SLC44A2: variants seen among roughly 807,000 people sequenced by gnomAD.
SLC44A2 encodes choline transporter-like protein 2.
In SLC44A2, 57 loss-of-function variants were observed where a neutral mutation model predicts 90.8. That is an observed-to-expected ratio of 0.63 (90% CI 0.51 to 0.78). SLC44A2 has a LOEUF of 0.78. SLC44A2 is among the 30% of genes least tolerant of loss of function. SLC44A2 has a pLI of 0.00. For missense variants in SLC44A2, 794 were observed against 919.7 expected (o/e 0.86, Z 1.77); for synonymous variants, 355 against 360.7 (o/e 0.98, Z 0.18).
rs893962170 is a variant in SLC44A2, at chr19:10,641,861, G to GA, written c.1930-494dup. Among the ~76,000 whole-genome samples the GA allele has an allele frequency of 9.3e-4, 112 of 120,178 alleles. 1 individual carries two copies. In the East Asian group the frequency reaches 9.5e-3, roughly 10 times the overall value. 78.8% of individuals were successfully genotyped at this position (120,178 alleles called of 152,430 possible). A position where few individuals can be genotyped will look rare whatever the true frequency, so the allele number is the denominator to read the frequency against. ...ACCGTGAGACCCTGTCTCAAAAAAA[G>GA]AAAAAAAAAAAAGGCCGGGTGTGCG... On this transcript the variant is annotated intron_variant, in intron 20 of 21. Coordinates refer to ENST00000335757, the MANE Select transcript of SLC44A2 (RefSeq NM_020428.4).
intron 1 of SLC44A2, among the ~76,000 whole-genome samples, chr19:10,604,241 C>A (rs1257326529): frequency 1.3e-5 from 2 of 152,158 alleles, no homozygotes; most frequent in South Asian, 2.1e-4. Context: ...GCAGAAACAG[C>A]AGCGATTATT....
intron 20 of SLC44A2, chr19:10,641,350 G>A (rs2067113702): frequency 2.4e-6 from 1 of 417,526 alleles, no homozygotes; most frequent in Non-Finnish European, 4.7e-6. Context: ...GCTGAGATGG[G>A]GCCACTGCAC....
At chr19:10,619,582 C>G (rs1428004826) in intron 1 of SLC44A2, among the ~76,000 whole-genome samples, 1 of 151,950 alleles carries the variant, frequency 6.6e-6, no homozygotes, top group Admixed American at 6.6e-5. Flanking sequence ...CTCCTGGAGT[C>G]AAGCAATTCT....
intron 17 of SLC44A2, 30 bp downstream of exon 17, chr19:10,637,777 C>T (rs762001721): frequency 6.8e-6 from 11 of 1,612,932 alleles, no homozygotes; most frequent in Non-Finnish European, 2.5e-6. Flanking sequence ...CCAACCAACC[C>T]GCCAGCTCCT....
chr19:10,628,123 G>A (rs1393866841), intron 4 of SLC44A2, 119 bp downstream of exon 4: 8 of 917,104 alleles, frequency 8.7e-6, no homozygotes, highest in South Asian at 7.7e-5. Flanking sequence ...GGTGACTCAC[G>A]CCCGAAATTC....
At chr19:10,627,670 A>G (rs1568448288) in intron 2 of SLC44A2, 52 bp from the exon 3 acceptor site, 5 of 1,572,548 alleles carry the variant, frequency 3.2e-6, no homozygotes, top group African/African-American at 2.7e-5. Flanking sequence ...AGATGGGCCC[A>G]TGGTGCACAC....
At position 10,618,474 on chromosome 19, in the gene SLC44A2, C is replaced by CTTTTTTTT. The variant is rs3029799; in HGVS notation, c.32-7763_32-7756dup. On this transcript the variant is annotated intron_variant, in intron 1 of 21. Transcript: ENST00000407327. ...ACAGGTGTAAGCCACTGCGCCCGGC[C>CTTTTTTTT]TTTTTTTTTTTTTTTTTTTTTTTGA... Among the ~76,000 whole-genome samples the CTTTTTTTT allele has an allele frequency of 7.4e-4, 65 of 87,332 alleles. 1 individual carries two copies. Among genetic ancestry groups the CTTTTTTTT allele is most frequent in the African/African-American group, 2.8e-3 (57 of 20,336 alleles). The allele number at this position is 87,332 out of a possible 152,430, so 57.3% of individuals were successfully genotyped here.
At position 10,634,999 on chromosome 19, in the gene SLC44A2, C is replaced by T; in HGVS notation, c.981C>T (p.Val327=). 3 of 1,614,118 alleles carry T rather than the reference C, an allele frequency of 1.9e-6. No individual in the cohort carries two copies. Among genetic ancestry groups the T allele is most frequent in the Non-Finnish European group, 2.5e-6 (3 of 1,180,034 alleles). The change falls in exon 12 of 22, where the codon GTC becomes GTT. Residue 327 remains valine, a synonymous_variant. Transcript: ENST00000335757. ...TGATCATTCTGAGTATCCTTGAAGT[C>T]ATTATCATCTTGCTGCTCATCTTTC... ...AFMIILSILE[V]IIILLLIFLR...
intron 1 of SLC44A2, among the ~76,000 whole-genome samples, chr19:10,609,757 G>A (rs1255197832): frequency 6.6e-6 from 1 of 152,020 alleles, no homozygotes; most frequent in African/African-American, 2.4e-5. Flanking sequence ...AAGCCACCAT[G>A]CCCAGCCCAT....
Position 10,634,802 on chromosome 19 carries a change from C to T in SLC44A2, c.870C>T (p.Ala290=), listed in dbSNP as rs183294713. Reference sequence around the variant, plus strand: ...AGTACTCCCGACTGCGTGGTGAGGCCGGCTCTGATGTCTCTTTGGTGGACC... The same window carrying T: ...AGTACTCCCGACTGCGTGGTGAGGCTGGCTCTGATGTCTCTTTGGTGGACC... The part of the protein sequence containing the change: ...YMEYSRLRGE[A]GSDVSLVDLG... The change falls in exon 11 of 22, where the codon GCC becomes GCT. Residue 290 remains alanine, a synonymous_variant. Coordinates refer to ENST00000335757, the MANE Select transcript of SLC44A2 (RefSeq NM_020428.4). 37 of 1,614,120 alleles carry T rather than the reference C, an allele frequency of 2.3e-5. No homozygotes were observed. The highest frequency in any genetic ancestry group is 4.5e-5 in the East Asian group (2 of 44,886).
chr19:10,632,002 G>A (rs368385049), intron 9 of SLC44A2, 42 bp from the exon 10 acceptor site: 2 of 1,612,964 alleles, frequency 1.2e-6, no homozygotes, highest in African/African-American at 1.3e-5. Flanking sequence ...TCTAAGCCTG[G>A]CTGAGGGTGG....
rs760133196 is a variant in SLC44A2, at chr19:10,634,952, G to C, written c.956-22G>C. The C allele has an allele frequency of 6.2e-6, 10 of 1,614,004 alleles. 1 individual carries two copies. In the South Asian group the frequency reaches 1.1e-4, roughly 18 times the overall value. On this transcript the variant is annotated intron_variant, in intron 11 of 21. Transcript: ENST00000335757. ...TTGGAGGGAGTGGGGAGCCCAGCCG[G>C]CTCAGCCTTTGCCCTTTGCAGTGAT...
intron 1 of SLC44A2, among the ~76,000 whole-genome samples, chr19:10,619,680 G>A (rs1037135402): frequency 2.6e-5 from 4 of 151,566 alleles, no homozygotes; most frequent in African/African-American, 4.8e-5. Flanking sequence ...TCCGCCGGAC[G>A]CAGTGGCTCA....
chr19:10,636,402 A>C lies in SLC44A2; in HGVS notation c.1313A>C (p.Tyr438Ser). ...QFAFYGGESGYHRALLGLQIF... is the reference protein window; with the variant it reads ...QFAFYGGESGSHRALLGLQIF... ...GCCTTCTACGGTGGTGAGTCGGGCT[A>C]CCACCGGGCCCTGCTGGGCCTGCAG... Residue 438 changes from tyrosine to serine, a missense_variant, in exon 15 of 22, where the codon TAC (tyrosine) becomes TCC (serine). Tyr to Ser is a moderately radical substitution (Grantham distance 144, BLOSUM62 -2). Around this residue, in one of 3 missense-constraint regions of SLC44A2, gnomAD observed 738 missense variants for 841.1 expected, o/e 0.88. Coordinates refer to ENST00000335757, the MANE Select transcript of SLC44A2 (RefSeq NM_020428.4). 1.9e-6 allele frequency: 3 copies of C among 1,613,694 alleles called. No homozygotes were observed. Among genetic ancestry groups the C allele is most frequent in the Non-Finnish European group, 2.5e-6 (3 of 1,179,934 alleles).
In SLC44A2 at chr19:10,636,485, G is replaced by A; in HGVS notation, c.1396G>A (p.Val466Ile). 1 of 1,613,340 alleles carries A rather than the reference G, an allele frequency of 6.2e-7. No individual in the cohort carries two copies. The highest frequency in any genetic ancestry group is 8.5e-7 in the Non-Finnish European group (1 of 1,180,014). Residue 466 changes from valine (V) to isoleucine (I), a missense_variant, in exon 15 of 22, where the codon GTC becomes ATC. This residue lies in a region of SLC44A2 where 738 missense variants were observed against 841.1 expected (regional missense o/e 0.88). Coordinates refer to ENST00000335757, the MANE Select transcript of SLC44A2 (RefSeq NM_020428.4). ...CAACTTCGTGCTGGCGCTGGGCCAG[G>A]TCACGCTGGCCGGGGCCTTTGCCTC... ...LANFVLALGQ[V>I]TLAGAFASYY...
At chr19:10,626,483 G>A (rs2066935256) in intron 2 of SLC44A2, among the ~76,000 whole-genome samples, 182 bp downstream of exon 2, 2 of 149,108 alleles carry the variant, frequency 1.3e-5, no homozygotes, top group South Asian at 2.1e-4. Context: ...TCTCAATCTC[G>A]GCTCACTGCA....
At chr19:10,636,289 CTTT>C (rs1252780477) in intron 14 of SLC44A2, 31 bp from the exon 15 acceptor site, 2 of 1,586,792 alleles carry the variant, frequency 1.3e-6, no homozygotes, top group African/African-American at 2.7e-5. Context: ...CCTGGTGCCT[CTTT>C]TTGGACTCGG....
Position 10,642,369 on chromosome 19 carries a change from G to T in SLC44A2, c.1932G>T (p.Thr644=). 1 of 1,614,018 alleles carries T rather than the reference G, an allele frequency of 6.2e-7. No homozygotes were observed. Among genetic ancestry groups the T allele is most frequent in the Non-Finnish European group, 8.5e-7 (1 of 1,179,960 alleles). ...ACAGCTCGTTTCTCCTTGCCCAGAC[G>T]GTGATCGTTGGCTCCTACTTGATTG... is the stretch of plus-strand genomic sequence containing the variant. ...PLNYYWVPIL[T]VIVGSYLIAH... is the part of the protein sequence containing the mutation. Residue 644 remains threonine (T), a splice_region_variant and synonymous_variant, in exon 21 of 22, where the codon ACG becomes ACT. Coordinates refer to ENST00000335757, the MANE Select transcript of SLC44A2 (RefSeq NM_020428.4).
At chr19:10,642,670 G>A (rs1360087953) in intron 21 of SLC44A2, among the ~76,000 whole-genome samples, 1 of 152,284 alleles carries the variant, frequency 6.6e-6, no homozygotes, top group East Asian at 1.9e-4. Flanking sequence ...CAGCCTGGAC[G>A]CTGCCCTGGA....
Sources: allele counts gnomAD v4.1 joint callset (sites outside exome capture counted in the v4.1 genomes callset), GRCh38; gene constraint gnomAD v4.1.1; regional missense constraint gnomAD v4.1.1; transcripts MANE v1.5; gene names NCBI Gene and HGNC (gene_info 2026-07-23, HGNC 2026-07-21).